Variants in C10orf90 observed in about 807,000 individuals in gnomAD.
The protein encoded by C10orf90 is chromosome 10 open reading frame 90, also known as (E2-independent) E3 ubiquitin-conjugating enzyme FATS.
In C10orf90, 56 loss-of-function variants were observed where a neutral mutation model predicts 62.5. That is an observed-to-expected ratio of 0.90 (90% CI 0.72 to 1.12). The LOEUF (loss-of-function observed/expected upper bound fraction) is 1.12. Ranked by LOEUF, C10orf90 falls within the 50% of genes most tolerant of loss-of-function variation. The pLI is 0.00. For missense variants in C10orf90, 970 were observed against 880.4 expected (o/e 1.10, Z -1.29); for synonymous variants, 386 against 340.4 (o/e 1.13, Z -1.47).
intron 4 of C10orf90, 96 bp from the exon 5 acceptor site, chr10:126,465,082 TG>T (rs369535667): frequency 0.014 from 18,023 of 1,314,402 alleles, 179 homozygotes; most frequent in Middle Eastern, 0.028. Flanking sequence ...GGGACAGACT[TG>T]GGGGGGAGTA....
In C10orf90 at chr10:126,552,570, C is replaced by T. The variant is rs115776932; in HGVS notation, c.314-38631G>A. Reference sequence around the variant, plus strand: ...GACCAGACTGAGCCCTGCCAGGAGACGCTGTCTTATAAAGGATACTCACCC... The same window carrying T: ...GACCAGACTGAGCCCTGCCAGGAGATGCTGTCTTATAAAGGATACTCACCC... On this transcript the variant is annotated intron_variant, in intron 2 of 9. Transcript: ENST00000488181. 6.9e-3 allele frequency among the ~76,000 whole-genome samples: 1,046 copies of T among 152,302 alleles called. 9 individuals carry two copies. The highest frequency in any genetic ancestry group is 0.024 in the African/African-American group (981 of 41,564).
At chr10:126,535,172 T>C (rs2133960278) in intron 2 of C10orf90, among the ~76,000 whole-genome samples, 1 of 151,334 alleles carries the variant, frequency 6.6e-6, no homozygotes, top group Non-Finnish European at 1.5e-5. Flanking sequence ...TGTGTGTGTA[T>C]GTTTAGAGAG....
At chr10:126,451,532 T>G (rs1195423125) in intron 7 of C10orf90, among the ~76,000 whole-genome samples, 2 of 152,138 alleles carry the variant, frequency 1.3e-5, no homozygotes, top group Non-Finnish European at 2.9e-5. Flanking sequence ...TGAGGTGTTG[T>G]GTTTTTATAA....
chr10:126,636,848 C>T (rs1258304510), intron 2 of C10orf90, among the ~76,000 whole-genome samples: 1 of 152,140 alleles, frequency 6.6e-6, no homozygotes, highest in Admixed American at 6.5e-5. Flanking sequence ...GCCTTATTAA[C>T]AATATTTCAC....
chr10:126,471,587 C>G (rs1291208699), intron 4 of C10orf90, among the ~76,000 whole-genome samples: 1 of 152,146 alleles, frequency 6.6e-6, no homozygotes, highest in African/African-American at 2.4e-5. Context: ...ATTCAGTGAT[C>G]AGAAGCACCC....
rs914934990 is a variant in C10orf90 at position 126,425,088 on chromosome 10, G to A, written c.*776C>T. ...CCAAACAGACATATTTATAAATAATGTGTATTATAAACATTTGGAAGAACA... is the reference window on the plus strand; with the variant it reads ...CCAAACAGACATATTTATAAATAATATGTATTATAAACATTTGGAAGAACA... On this transcript the variant is annotated 3_prime_UTR_variant, in exon 10 of 10. Transcript: ENST00000488181. 6.6e-6 allele frequency: 1 copy of A among 152,182 alleles called. No individual in the cohort carries two copies. The allele number at this position is 152,182 out of a possible 1,614,324, so 9.4% of individuals were successfully genotyped here.
chr10:126,528,857 AC>A (rs1864019754), intron 2 of C10orf90, among the ~76,000 whole-genome samples: 1 of 152,200 alleles, frequency 6.6e-6, no homozygotes, highest in Admixed American at 6.5e-5. Flanking sequence ...GATAAGTCAA[AC>A]CTAGGTAGGC....
At chr10:126,497,623 G>A (rs1375445180) in intron 4 of C10orf90, among the ~76,000 whole-genome samples, 5 of 152,160 alleles carry the variant, frequency 3.3e-5, no homozygotes, top group South Asian at 4.1e-4. Flanking sequence ...CAGAGACCTC[G>A]CAGGCAAGTG....
chr10:126,565,217 T>A (rs35931909), intron 2 of C10orf90, among the ~76,000 whole-genome samples: 11,801 of 16,978 alleles, frequency 0.7, 4,310 homozygotes, highest in Middle Eastern at 0.75. Context: ...GTAATATAAT[T>A]TTTATATTAC....
chr10:126,518,203 A>C (rs1279296060), intron 2 of C10orf90, among the ~76,000 whole-genome samples: 1 of 152,134 alleles, frequency 6.6e-6, no homozygotes, highest in Admixed American at 6.5e-5. Flanking sequence ...TGGCCCCCAG[A>C]CCAGCAGCAT....
At chr10:126,502,503 G>T (rs533952322) in intron 4 of C10orf90, among the ~76,000 whole-genome samples, 1 of 152,330 alleles carries the variant, frequency 6.6e-6, no homozygotes, top group South Asian at 2.1e-4. Flanking sequence ...CACCACCAAA[G>T]CCAAAAAGTA....
At chr10:126,542,540 A>C (rs1864401879) in intron 2 of C10orf90, among the ~76,000 whole-genome samples, 1 of 152,162 alleles carries the variant, frequency 6.6e-6, no homozygotes, top group South Asian at 2.1e-4. Context: ...TTTTTTTAAA[A>C]AAAGGTTTGG....
chr10:126,547,096 G>C (rs141329229), intron 2 of C10orf90, among the ~76,000 whole-genome samples: 31 of 141,266 alleles, frequency 2.2e-4, no homozygotes, highest in Admixed American at 1.9e-3. Context: ...GCAACAGAGC[G>C]AGACTCCGTC....
chr10:126,494,005 C>A (rs979233120), intron 4 of C10orf90, among the ~76,000 whole-genome samples: 1 of 152,218 alleles, frequency 6.6e-6, no homozygotes, highest in African/African-American at 2.4e-5. Flanking sequence ...AATTTCGGAA[C>A]TGCAGTGGTC....
chr10:126,639,718 A>T (rs892132226), intron 2 of C10orf90, among the ~76,000 whole-genome samples: 1 of 152,232 alleles, frequency 6.6e-6, no homozygotes, highest in Non-Finnish European at 1.5e-5. Context: ...TGGCTGATGC[A>T]TTTCTGTCTG....
Position 126,532,859 on chromosome 10 carries a change from AGT to A in C10orf90, c.314-18922_314-18921del, listed in dbSNP as rs1473250102. Reference sequence around the variant, plus strand: ...CTACGTCTCAAAAAAAAAAAAAAATAGTGAGCACAAAACAAGTGTTTTCAAAA... The same window carrying A: ...CTACGTCTCAAAAAAAAAAAAAAATAGAGCACAAAACAAGTGTTTTCAAAA... On this transcript the variant is annotated intron_variant, in intron 2 of 9. Coordinates refer to ENST00000488181, the MANE Select transcript of C10orf90 (RefSeq NM_001350921.2). 2.4e-4 allele frequency among the ~76,000 whole-genome samples: 7 copies of A among 29,404 alleles called. 2 individuals are homozygous for A. The highest frequency in any genetic ancestry group is 6.7e-4 in the Non-Finnish European group (6 of 9,020). The allele number at this position is 29,404 out of a possible 152,430, so 19.3% of individuals were successfully genotyped here. A position where few individuals can be genotyped will look rare whatever the true frequency, so the allele number is the denominator to read the frequency against.
In C10orf90 at chr10:126,555,801, A is replaced by G. The variant is rs189877874; in HGVS notation, c.314-41862T>C. ...CGAGTGGAGTCAGCATCAGATAGAAATGCTGACAGAAGTTGGCAGATGGAA... is the reference window on the plus strand; with the variant it reads ...CGAGTGGAGTCAGCATCAGATAGAAGTGCTGACAGAAGTTGGCAGATGGAA... On this transcript the variant is annotated intron_variant, in intron 2 of 9. Coordinates refer to ENST00000488181, the MANE Select transcript of C10orf90 (RefSeq NM_001350921.2). 5.4e-4 allele frequency among the ~76,000 whole-genome samples: 82 copies of G among 152,318 alleles called. No individual in the cohort carries two copies. In the East Asian group the frequency reaches 6.4e-3, roughly 12 times the overall value.
chr10:126,563,173 G>A (rs1045048282), intron 2 of C10orf90, among the ~76,000 whole-genome samples: 28 of 152,184 alleles, frequency 1.8e-4, no homozygotes, highest in African/African-American at 5.6e-4. Context: ...TGCTGGGCAC[G>A]TCCACTCACT....
Position 126,504,857 on chromosome 10 carries a change from C to T in C10orf90, c.634G>A (p.Glu212Lys). The part of the protein sequence containing the change: ...GRLGIPAPSD[E>K]RGPEAELPPK... Reference sequence around the variant, plus strand: ...GGCAGCTCTGCCTCAGGTCCTCGCTCATCTGACGGTGCCGGGATTCCTAAT... The same window carrying T: ...GGCAGCTCTGCCTCAGGTCCTCGCTTATCTGACGGTGCCGGGATTCCTAAT... Residue 212 changes from glutamate (E) to lysine (K), a missense_variant, in exon 4 of 10, where the codon GAG becomes AAG. Coordinates refer to ENST00000488181, the MANE Select transcript of C10orf90 (RefSeq NM_001350921.2). This position sits in a 1 kb window ranked among gnomAD's most constrained non-coding sequence, Gnocchi z 4.1. 6.2e-7 allele frequency: 1 copy of T among 1,612,458 alleles called. No individual in the cohort carries two copies. The highest frequency in any genetic ancestry group is 8.5e-7 in the Non-Finnish European group (1 of 1,178,976).
Sources: gnomAD v4.1 joint callset for allele counts (sites outside exome capture counted in the v4.1 genomes callset) on GRCh38, gnomAD v4.1.1 for gene constraint, Gnocchi (gnomAD v3.1) non-coding constraint, MANE v1.5 for transcripts, NCBI Gene and HGNC (gene_info 2026-07-23, HGNC 2026-07-21) for gene names.